The following ANK2 variants were observed in gnomAD, a reference collection of about 807,000 sequenced individuals.
ANK2 encodes the protein ankyrin-2.
ANK2 carries 83 observed loss-of-function variants against 360.5 expected under a neutral mutation model. The ratio of observed to expected loss-of-function variants is 0.23; its 90% CI spans 0.19 to 0.28. The LOEUF is 0.28. Ranked by LOEUF, ANK2 falls within the 10% of genes least tolerant of loss-of-function variation. ANK2 has a pLI of 1.00. For missense variants in ANK2, 4,201 were observed against 4,795.7 expected, an observed-to-expected ratio of 0.88 and a Z score of 3.66; for synonymous variants, 1,740 against 1,759.5, an observed-to-expected ratio of 0.99 and a Z score of 0.28.
chr4:113,380,584 C>A (rs1284620156), intron 45 of ANK2, among the ~76,000 whole-genome samples: 1 of 152,212 alleles, frequency 6.6e-6, no homozygotes, highest in Non-Finnish European at 1.5e-5. Context: ...ATCGCTTGAA[C>A]CCGGGAGGCA....
the ANK2 span, chr4:112,788,020 C>T: frequency 1.2e-6 from 1 of 865,506 alleles, no homozygotes; most frequent in Non-Finnish European, 1.8e-6. Context: ...CAATGTATTT[C>T]TTTGAAGGAA....
chr4:112,750,615 G>A, the ANK2 span, among the ~76,000 whole-genome samples: 2 of 152,176 alleles, frequency 1.3e-5, no homozygotes, highest in African/African-American at 2.4e-5. Context: ...AGTCCCTTGA[G>A]TAACGTGAAA....
chr4:113,181,815 G>A (rs1479803942), intron 2 of ANK2, among the ~76,000 whole-genome samples: 2 of 152,208 alleles, frequency 1.3e-5, no homozygotes, highest in Admixed American at 1.3e-4. Flanking sequence ...TAGAATGAGG[G>A]AGGGGAAGCG....
chr4:113,141,361 T>C (rs1227466592), intron 1 of ANK2: 3 of 152,232 alleles, frequency 2.0e-5, no homozygotes, highest in African/African-American at 7.2e-5. Context: ...CTATCCTTTT[T>C]TTCCCCATGC....
the ANK2 span, among the ~76,000 whole-genome samples, chr4:112,764,308 C>T: frequency 5.3e-5 from 8 of 151,988 alleles, no homozygotes; most frequent in Non-Finnish European, 1.2e-4. Context: ...CTTTTCTATT[C>T]GCTAATCTAT....
At chr4:113,190,978 A>G (rs1251278845) in intron 2 of ANK2, among the ~76,000 whole-genome samples, 9 of 152,222 alleles carry the variant, frequency 5.9e-5, no homozygotes, top group Admixed American at 5.9e-4. Flanking sequence ...GAAATAATTT[A>G]CCTATGTAAT....
chr4:113,219,366 T>C (rs560547542), intron 4 of ANK2, among the ~76,000 whole-genome samples: 107 of 152,052 alleles, frequency 7.0e-4, no homozygotes, highest in Non-Finnish European at 1.3e-3. Flanking sequence ...TTAATTTTTA[T>C]TATTTAAATT....
chr4:113,141,701 A>G (rs1383163359), intron 1 of ANK2, among the ~76,000 whole-genome samples: 2 of 152,144 alleles, frequency 1.3e-5, no homozygotes, highest in African/African-American at 4.8e-5. Context: ...TTCTTCTCCA[A>G]GGTGTTAGTT....
intron 43 of ANK2, chr4:113,372,665 G>A: frequency 7.3e-7 from 1 of 1,373,846 alleles, no homozygotes; most frequent in Non-Finnish European, 1.0e-6. Context: ...GGACAGTCCT[G>A]TCCCCATATT....
chr4:113,044,676 T>C (rs2063825418), upstream of ANK2, among the ~76,000 whole-genome samples: 1 of 152,258 alleles, frequency 6.6e-6, no homozygotes, highest in South Asian at 2.1e-4. Context: ...TGGCAATCAT[T>C]GGCATCCCTT....
chr4:113,183,769 G>C (rs903398750), intron 2 of ANK2, among the ~76,000 whole-genome samples: 9 of 151,972 alleles, frequency 5.9e-5, no homozygotes, highest in Non-Finnish European at 1.2e-4. Flanking sequence ...GTAGAGAAAA[G>C]AAGGAATCAT....
chr4:113,017,500 A>G (rs1579122850), intron 2 of ANK2, among the ~76,000 whole-genome samples: 1 of 152,224 alleles, frequency 6.6e-6, no homozygotes, highest in East Asian at 1.9e-4. Flanking sequence ...CCAACATTGC[A>G]GAAATTAGAA....
At chr4:112,757,112 C>CTTTT in the ANK2 span, among the ~76,000 whole-genome samples, 5 of 135,328 alleles carry the variant, frequency 3.7e-5, no homozygotes, top group African/African-American at 5.4e-5. Flanking sequence ...CTTTTCTTTT[C>CTTTT]TTTTTTTTTT....
intron 2 of ANK2, among the ~76,000 whole-genome samples, chr4:112,951,081 CAAAAAAAAA>C (rs1184265938): frequency 2.9e-4 from 16 of 55,948 alleles, no homozygotes; most frequent in African/African-American, 4.6e-4. Flanking sequence ...GCCTCCGTCT[CAAAAAAAAA>C]AAAAAAAAAA....
In ANK2 at chr4:112,950,208, C is replaced by CT. The variant is rs887434875; in HGVS notation, c.21+45700dup. 8.3e-4 allele frequency among the ~76,000 whole-genome samples: 127 copies of CT among 152,198 alleles called. 2 individuals carry two copies. The Middle Eastern group carries it at 0.014, about 16-fold the overall frequency. Reference sequence around the variant, plus strand: ...TTGAGGTCAGATACCTAATCTATGCCTTTTTTCCCCCAGTGCCTATTTAGT... The same window carrying CT: ...TTGAGGTCAGATACCTAATCTATGCCTTTTTTTCCCCCAGTGCCTATTTAGT... On this transcript the variant is annotated intron_variant, in intron 2 of 30. Coordinates refer to the ANK2 transcript ENST00000503271.
At chr4:112,938,518 TTG>T (rs200534621) in intron 2 of ANK2, among the ~76,000 whole-genome samples, 1,992 of 151,368 alleles carry the variant, frequency 0.013, 33 homozygotes, top group African/African-American at 0.039. Context: ...TGTATATTTT[TTG>T]TTTTCCCCAA....
At chr4:113,093,122 A>G (rs183937572) in intron 1 of ANK2, among the ~76,000 whole-genome samples, 2 of 152,340 alleles carry the variant, frequency 1.3e-5, no homozygotes, top group African/African-American at 4.8e-5. Context: ...ATAGATTTAT[A>G]GAACTGGCAG....
intron 1 of ANK2, among the ~76,000 whole-genome samples, chr4:113,094,572 T>G (rs925973464): frequency 1.3e-5 from 2 of 152,020 alleles, no homozygotes; most frequent in African/African-American, 4.8e-5. Context: ...GTATAAACAT[T>G]GAAGCTGCAG....
chr4:113,353,011 A>G (rs1338528402), intron 37 of ANK2, 34 bp from the exon 38 acceptor site: 3 of 1,604,938 alleles, frequency 1.9e-6, no homozygotes, highest in African/African-American at 1.3e-5. Flanking sequence ...TTTGATTTCC[A>G]TTTTACTTTC....
Sources: allele counts gnomAD v4.1 joint callset (sites outside exome capture counted in the v4.1 genomes callset), GRCh38; gene constraint gnomAD v4.1.1; transcripts MANE v1.5; gene names NCBI Gene and HGNC (gene_info 2026-07-23, HGNC 2026-07-21).